The following COL3A1 variants were observed in gnomAD, a reference collection of about 807,000 sequenced individuals.
COL3A1 encodes the protein collagen type III alpha 1 chain, also known as collagen alpha-1(III) chain.
A neutral mutation model predicts 200.9 loss-of-function variants in COL3A1; 46 were observed. That is an observed-to-expected ratio of 0.23 (90% confidence interval 0.18 to 0.29). COL3A1 has a LOEUF of 0.29. Ranked by LOEUF, COL3A1 falls within the 10% of genes least tolerant of loss-of-function variation. COL3A1 has a pLI of 1.00. For missense variants in COL3A1, 1,367 were observed against 1,917.6 expected, an observed-to-expected ratio of 0.71 and a Z score of 5.36; for synonymous variants, 650 against 628.0, an observed-to-expected ratio of 1.03 and a Z score of -0.52.
At chr2:188,997,300 T>C in intron 25 of COL3A1, 36 bp from the exon 26 acceptor site, 1 of 1,613,272 alleles carries the variant, frequency 6.2e-7, no homozygotes, top group East Asian at 2.2e-5. Flanking sequence ...CTGTAATCTG[T>C]ATTATTTCTA....
chr2:189,007,310 C>G (rs1203625719), intron 44 of COL3A1, among the ~76,000 whole-genome samples, 190 bp from the exon 45 acceptor site: 1 of 151,364 alleles, frequency 6.6e-6, no homozygotes, highest in East Asian at 1.9e-4. Flanking sequence ...TGTTAGGGAT[C>G]CATGCAATGA....
At position 189,011,799 on chromosome 2, in the gene COL3A1, CA is replaced by C. The variant is rs778347353; in HGVS notation, c.*33del. The C allele has an allele frequency of 3.7e-6, 6 of 1,612,522 alleles. No homozygotes were observed. Among genetic ancestry groups the C allele is most frequent in the African/African-American group, 1.3e-5 (1 of 74,754 alleles). On this transcript the variant is annotated 3_prime_UTR_variant, in exon 51 of 51. Coordinates refer to ENST00000304636, the MANE Select transcript of COL3A1 (RefSeq NM_000090.4). ...AACCAAACTCTATCTGAAATCCCAA[CA>C]AAAAAAATTTAACTCCATATGTGTT... is the stretch of plus-strand genomic sequence containing the variant.
chr2:189,004,224 A>G (rs1282426352), intron 39 of COL3A1, 33 bp from the exon 40 acceptor site: 1 of 1,602,464 alleles, frequency 6.2e-7, no homozygotes, highest in South Asian at 1.1e-5. Context: ...ACTGTCACAT[A>G]AAGATGAGCT....
intron 27 of COL3A1, 129 bp from the exon 28 acceptor site, chr2:188,998,137 A>G: frequency 1.2e-6 from 1 of 804,058 alleles, no homozygotes; most frequent in East Asian, 2.7e-5. Context: ...TGAGTGGCAC[A>G]ACGTTTCTAC....
At chr2:189,004,987 T>C (rs1458736605) in intron 40 of COL3A1, among the ~76,000 whole-genome samples, 1 of 152,220 alleles carries the variant, frequency 6.6e-6, no homozygotes, top group Non-Finnish European at 1.5e-5. Flanking sequence ...ATTCTTCAGA[T>C]AGAGACAAAT....
At chr2:188,988,482 T>C (rs1188882363) in intron 6 of COL3A1, 108 bp from the exon 7 acceptor site, 1 of 791,164 alleles carries the variant, frequency 1.3e-6, no homozygotes, top group African/African-American at 1.7e-5. Context: ...TAAACTGGAG[T>C]AAAATTTGCT....
At chr2:188,978,214 A>C (rs1687867034) in intron 1 of COL3A1, 1 of 184,548 alleles carries the variant, frequency 5.4e-6, no homozygotes, top group Non-Finnish European at 1.3e-5. Context: ...ACAAGAAAAG[A>C]AAGCAAATCC....
At position 189,011,810 on chromosome 2, in the gene COL3A1, T is replaced by G; in HGVS notation, c.*36T>G. 6.2e-7 allele frequency: 1 copy of G among 1,611,538 alleles called. No homozygotes were observed. The highest frequency in any genetic ancestry group is 8.5e-7 in the Non-Finnish European group (1 of 1,177,792). On this transcript the variant is annotated 3_prime_UTR_variant, in exon 51 of 51. Transcript: ENST00000304636. ...ATCTGAAATCCCAACAAAAAAAATT[T>G]AACTCCATATGTGTTCCTCTTGTTC...
intron 1 of COL3A1, among the ~76,000 whole-genome samples, chr2:188,976,758 G>A (rs75199454): frequency 1.4e-3 from 217 of 152,232 alleles, no homozygotes; most frequent in African/African-American, 5.0e-3. Flanking sequence ...TGTGAACATT[G>A]TATTTAATTC....
At chr2:188,984,718 C>G (rs762418263) in intron 1 of COL3A1, 42 bp from the exon 2 acceptor site, 124 of 1,588,746 alleles carry the variant, frequency 7.8e-5, no homozygotes, top group Non-Finnish European at 1.0e-4. Flanking sequence ...CACCTTTCAG[C>G]AAAACCTAAG....
At chr2:189,006,791 G>T in intron 43 of COL3A1, 146 bp from the exon 44 acceptor site, 1 of 919,766 alleles carries the variant, frequency 1.1e-6, no homozygotes, top group Non-Finnish European at 1.7e-6. Context: ...TTAGCACTTT[G>T]AAGGCAAAAA....
In COL3A1 at chr2:189,011,656, T is replaced by A. The variant is rs777223634; in HGVS notation, c.4283T>A (p.Val1428Asp). ...TKHTGEWSKT[V>D]FEYRTRKAVR... ...CACACTGGGGAATGGAGCAAAACAG[T>A]CTTTGAATATCGAACACGCAAGGCT... Residue 1428 changes from valine (V) to aspartate (D), a missense_variant, in exon 51 of 51, where the codon GTC becomes GAC. Val to Asp is a radical substitution (Grantham distance 152). Transcript: ENST00000304636. The A allele has an allele frequency of 6.2e-7, 1 of 1,614,022 alleles. No individual in the cohort carries two copies. The highest frequency in any genetic ancestry group is 2.2e-5 in the East Asian group (1 of 44,868).
intron 36 of COL3A1, 125 bp downstream of exon 36, chr2:189,003,187 A>G: frequency 2.3e-6 from 2 of 864,088 alleles, no homozygotes; most frequent in South Asian, 2.9e-5. Flanking sequence ...TAATGGAAAA[A>G]CATGGAGGTT....
chr2:188,987,180 C>A (rs774605762), intron 5 of COL3A1, 41 bp downstream of exon 5: 4 of 1,522,782 alleles, frequency 2.6e-6, no homozygotes, highest in South Asian at 2.2e-5. Flanking sequence ...GCTTTATTAT[C>A]TTTCTGGTTT....
At position 188,997,738 on chromosome 2, in the gene COL3A1, T is replaced by A; in HGVS notation, c.1908T>A (p.Gly636=). ...ACAAAGGAGACACAGGACCCCCTGG[T>A]CCACAAGGATTACAAGTAAGAACTT... ...GGDKGDTGPP[G]PQGLQGLPGT... Residue 636 remains glycine, a synonymous_variant, in exon 27 of 51, where the codon GGT becomes GGA. Transcript: ENST00000304636. The A allele has an allele frequency of 6.2e-7, 1 of 1,614,016 alleles. No individual in the cohort carries two copies. The highest frequency in any genetic ancestry group is 1.1e-5 in the South Asian group (1 of 91,082).
chr2:189,011,568 G>C, intron 50 of COL3A1, 60 bp from the exon 51 acceptor site: 2 of 1,604,694 alleles, frequency 1.2e-6, no homozygotes, highest in Non-Finnish European at 8.5e-7. Context: ...AACTTGTTAA[G>C]TCAGAGTTGT....
At chr2:188,976,076 T>G (rs373684457) in intron 1 of COL3A1, among the ~76,000 whole-genome samples, 1 of 151,894 alleles carries the variant, frequency 6.6e-6, no homozygotes, top group South Asian at 2.1e-4. Context: ...TCTCCCCTTT[T>G]CCTCCCTATC....
At chr2:188,985,954 T>C (rs1688057090) in intron 4 of COL3A1, among the ~76,000 whole-genome samples, 176 bp downstream of exon 4, 1 of 152,104 alleles carries the variant, frequency 6.6e-6, no homozygotes, top group Admixed American at 6.6e-5. Flanking sequence ...CTAAGTACTT[T>C]ATAAGTATTC....
intron 48 of COL3A1, 44 bp from the exon 49 acceptor site, chr2:189,010,134 C>G: frequency 6.3e-7 from 1 of 1,589,366 alleles, no homozygotes; most frequent in Non-Finnish European, 8.6e-7. Flanking sequence ...CACTTTATTA[C>G]TGGATTTTAT....
Sources: gnomAD v4.1 joint callset for allele counts (sites outside exome capture counted in the v4.1 genomes callset) on GRCh38, gnomAD v4.1.1 for gene constraint, MANE v1.5 for transcripts, NCBI Gene and HGNC (gene_info 2026-07-23, HGNC 2026-07-21) for gene names.